Variants in PPIP5K2 observed in about 807,000 individuals in gnomAD.
PPIP5K2 encodes inositol hexakisphosphate and diphosphoinositol-pentakisphosphate kinase 2.
Under a neutral mutation model 154.6 loss-of-function variants are expected in PPIP5K2, and 105 were observed. The ratio of observed to expected loss-of-function variants is 0.68; its 90% confidence interval spans 0.58 to 0.80. The LOEUF is 0.80. Among genes scored for constraint, PPIP5K2 ranks in the 30% least tolerant of loss-of-function variants. PPIP5K2 has a pLI of 0.00. For synonymous variants in PPIP5K2, 480 were observed against 490.3 expected (o/e 0.98, Z 0.28); for missense variants, 992 against 1,504.6 (o/e 0.66, Z 5.64).
intron 17 of PPIP5K2, among the ~76,000 whole-genome samples, chr5:103,162,883 T>C (rs995063859): frequency 1.3e-5 from 2 of 152,246 alleles, no homozygotes; most frequent in Non-Finnish European, 2.9e-5. Flanking sequence ...GCTAAGAATG[T>C]CAAGGTTGTT....
chr5:103,181,543 G>A (rs1372941922), intron 24 of PPIP5K2, among the ~76,000 whole-genome samples: 4 of 152,024 alleles, frequency 2.6e-5, no homozygotes, highest in Admixed American at 2.6e-4. Context: ...CTGCACTGCA[G>A]CCTGGGCAAC....
At chr5:103,189,980 T>A (rs546407335) in intron 28 of PPIP5K2, among the ~76,000 whole-genome samples, 108 of 152,168 alleles carry the variant, frequency 7.1e-4, no homozygotes, top group African/African-American at 2.4e-3. Flanking sequence ...ACTCGTTATT[T>A]TTAACAGTAT....
At chr5:103,178,743 A>G (rs1413445722) in intron 23 of PPIP5K2, among the ~76,000 whole-genome samples, 1 of 151,684 alleles carries the variant, frequency 6.6e-6, no homozygotes, top group Non-Finnish European at 1.5e-5. Context: ...TTATTTAACT[A>G]TACTTTATAT....
intron 19 of PPIP5K2, 104 bp from the exon 20 acceptor site, chr5:103,173,051 G>T: frequency 1.1e-6 from 1 of 905,228 alleles, no homozygotes. Context: ...TTCAAAAAAG[G>T]CTTGATAAAA....
intron 2 of PPIP5K2, among the ~76,000 whole-genome samples, chr5:103,131,856 A>C (rs1790676993): frequency 6.6e-6 from 1 of 152,182 alleles, no homozygotes; most frequent in African/African-American, 2.4e-5. Context: ...TGCCTTAAGA[A>C]TGTAAGTTTA....
chr5:103,187,509 C>A, intron 28 of PPIP5K2, 133 bp downstream of exon 28: 1 of 663,096 alleles, frequency 1.5e-6, no homozygotes, highest in Non-Finnish European at 2.4e-6. Flanking sequence ...ACAATTCCAA[C>A]TTGTTATTCA....
rs868912460 is a variant in PPIP5K2 at position 103,186,368 on chromosome 5, C to T, written c.3218C>T (p.Ser1073Leu). 6.2e-7 allele frequency: 1 copy of T among 1,613,952 alleles called. No homozygotes were observed. Among genetic ancestry groups the T allele is most frequent in the Non-Finnish European group, 8.5e-7 (1 of 1,179,904 alleles). ...LFSTSVLGGS[S>L]SAPNLQDYAR... ...AGCACCTCGGTGCTCGGGGGTTCTT[C>T]AAGCGCACCTAACCTACAGGATTAT... is the stretch of plus-strand genomic sequence containing the variant. The change falls in exon 27 of 31, where the codon TCA becomes TTA. Residue 1073 changes from serine to leucine, a missense_variant. Transcript: ENST00000358359.
intron 23 of PPIP5K2, among the ~76,000 whole-genome samples, chr5:103,178,275 G>A (rs368474466): frequency 6.6e-5 from 10 of 151,858 alleles, no homozygotes; most frequent in African/African-American, 2.4e-4. Flanking sequence ...TACATGTGAT[G>A]TGCAGTCCAG....
chr5:103,153,713 A>G (rs1794981845), intron 10 of PPIP5K2, 135 bp from the exon 11 acceptor site: 1 of 557,282 alleles, frequency 1.8e-6, no homozygotes. Context: ...TGTTATAAGT[A>G]TTATTCTTCA....
intron 21 of PPIP5K2, chr5:103,174,285 G>T: frequency 4.3e-6 from 1 of 231,204 alleles, no homozygotes; most frequent in African/African-American, 2.3e-5. Flanking sequence ...TTGGTGTTTG[G>T]TTAGACATTG....
At chr5:103,126,166 C>A (rs1216015135) in intron 1 of PPIP5K2, among the ~76,000 whole-genome samples, 1 of 152,118 alleles carries the variant, frequency 6.6e-6, no homozygotes, top group African/African-American at 2.4e-5. Flanking sequence ...ATTTAAATGT[C>A]ACCTTATTAA....
At chr5:103,152,815 A>C in intron 10 of PPIP5K2, 66 bp downstream of exon 10, 1 of 1,115,476 alleles carries the variant, frequency 9.0e-7, no homozygotes, top group Non-Finnish European at 1.3e-6. Context: ...TAGGATAAAA[A>C]TTAAATTTCT....
chr5:103,141,748 A>T (rs935486452), intron 5 of PPIP5K2, among the ~76,000 whole-genome samples: 3 of 151,996 alleles, frequency 2.0e-5, no homozygotes, highest in Admixed American at 6.6e-5. Flanking sequence ...TGTGTTTACA[A>T]ACCTTGAGCT....
intron 30 of PPIP5K2, among the ~76,000 whole-genome samples, chr5:103,199,598 G>A (rs1554229605): frequency 6.6e-6 from 1 of 151,632 alleles, no homozygotes; most frequent in Non-Finnish European, 1.5e-5. Flanking sequence ...TCAGCAGGTT[G>A]ACTAAGGCAT....
In PPIP5K2 at chr5:103,194,951, A is replaced by G; in HGVS notation, c.3545A>G (p.Asn1182Ser). The G allele has an allele frequency of 1.2e-6, 2 of 1,613,662 alleles. No individual in the cohort carries two copies. The highest frequency in any genetic ancestry group is 1.7e-6 in the Non-Finnish European group (2 of 1,179,718). The change falls in exon 30 of 31, where the codon AAT (asparagine) becomes AGT (serine). Residue 1182 changes from asparagine to serine, a missense_variant. Asn to Ser is a conservative substitution (Grantham distance 46). This residue lies in a region of PPIP5K2 where 131 missense variants were observed against 117.8 expected (regional missense o/e 1.11). Coordinates refer to ENST00000358359, the MANE Select transcript of PPIP5K2 (RefSeq NM_001276277.3). ...ATAATGAGAAAAAAAGTATCTTTAA[A>G]TACGTATACACCTGCAAAGATCCTC... ...SPIMRKKVSLNTYTPAKILPT... is the reference protein window; with the variant it reads ...SPIMRKKVSLSTYTPAKILPT...
chr5:103,157,984 G>A (rs1287635347), intron 14 of PPIP5K2, among the ~76,000 whole-genome samples: 1 of 152,116 alleles, frequency 6.6e-6, no homozygotes, highest in East Asian at 1.9e-4. Context: ...GATTTAAACA[G>A]GTATAGCAAG....
At chr5:103,183,140 C>T in intron 24 of PPIP5K2, 94 bp from the exon 25 acceptor site, 2 of 985,766 alleles carry the variant, frequency 2.0e-6, no homozygotes, top group Non-Finnish European at 1.3e-6. Flanking sequence ...TCTTTCTGAT[C>T]ATTTGGCTCT....
In PPIP5K2 at chr5:103,187,315, C is replaced by A; in HGVS notation, c.3291C>A (p.Asp1097Glu). 1 of 1,534,250 alleles carries A rather than the reference C, an allele frequency of 6.5e-7. No homozygotes were observed. The highest frequency in any genetic ancestry group is 8.7e-7 in the Non-Finnish European group (1 of 1,145,502). ...GGTACCTGTTTTTCTCTTTCTTAGA[C>A]GCCACACGCGGTTCTGCTGTTAAAA... is the stretch of plus-strand genomic sequence containing the variant. ...KKLTSSGCID[D>E]ATRGSAVKRF... The change falls in exon 28 of 31, where the codon GAC becomes GAA. Residue 1097 changes from aspartate (D) to glutamate (E), a missense_variant and splice_region_variant. Asp to Glu is a conservative substitution (Grantham distance 45, BLOSUM62 2). Transcript: ENST00000358359.
chr5:103,190,787 T>G, intron 28 of PPIP5K2, 55 bp from the exon 29 acceptor site: 1 of 1,482,636 alleles, frequency 6.7e-7, no homozygotes, highest in East Asian at 2.3e-5. Flanking sequence ...TTCTAATTAC[T>G]GATTTTTAAA....
Sources: gnomAD v4.1 joint callset for allele counts (sites outside exome capture counted in the v4.1 genomes callset) on GRCh38, gnomAD v4.1.1 for gene constraint, gnomAD v4.1.1 regional missense constraint, MANE v1.5 for transcripts, NCBI Gene and HGNC (gene_info 2026-07-23, HGNC 2026-07-21) for gene names.